Variants in SDK1 observed in about 807,000 individuals in gnomAD.
SDK1 encodes protein sidekick-1.
Under a neutral mutation model 245.5 loss-of-function variants are expected in SDK1, and 157 were observed. The observed-to-expected ratio is 0.64, with a 90% CI of 0.56 to 0.73. SDK1 has a LOEUF of 0.73. SDK1 is among the 30% of genes least tolerant of loss of function. The pLI is 0.00. For missense variants in SDK1, 3,583 were observed against 3,002.3 expected, an observed-to-expected ratio of 1.19 and a Z score of -4.52; for synonymous variants, 1,647 against 1,278.5, an observed-to-expected ratio of 1.29 and a Z score of -6.15.
chr7:4,064,777 G>C (rs1471793771), intron 19 of SDK1, among the ~76,000 whole-genome samples: 1 of 152,142 alleles, frequency 6.6e-6, no homozygotes, highest in Non-Finnish European at 1.5e-5. Flanking sequence ...CAGGGAACTG[G>C]AGGGCATTAC....
intron 40 of SDK1, among the ~76,000 whole-genome samples, chr7:4,227,984 C>G (rs1194670737): frequency 6.6e-6 from 1 of 152,204 alleles, no homozygotes; most frequent in Non-Finnish European, 1.5e-5. Flanking sequence ...GAAAAGATTT[C>G]TTTTTTCAAG....
In SDK1 at chr7:3,301,788, T is replaced by G. The variant is rs1029440073; in HGVS notation, c.202T>G (p.Cys68Gly). Residue 68 changes from cysteine to glycine, a missense_variant, in exon 1 of 45, where the codon TGC (cysteine) becomes GGC (glycine). By Grantham distance (159) the Cys-to-Gly change is radical (BLOSUM62 -3). Coordinates refer to ENST00000404826, the MANE Select transcript of SDK1 (RefSeq NM_152744.4). ...CGGGGACACGGCGGGCGCGGGGCGG[T>G]GCGGCGGGCGGCGGGCGGCAAAGTT... ...SGGDTAGAGRCGGRRAAKLGP... is the reference protein window; with the variant it reads ...SGGDTAGAGRGGGRRAAKLGP... 22 of 1,010,656 alleles carry G rather than the reference T, an allele frequency of 2.2e-5. No homozygotes were observed. The African/African-American group carries it at 2.7e-4, about 12-fold the overall frequency. The allele number at this position is 1,010,656 out of a possible 1,614,324, so 62.6% of individuals were successfully genotyped here.
Position 4,268,326 on chromosome 7 carries a change from T to G in SDK1, c.*2942T>G. 4 of 1,032,376 alleles carry G rather than the reference T, an allele frequency of 3.9e-6. No individual in the cohort carries two copies. Among genetic ancestry groups the G allele is most frequent in the Non-Finnish European group, 4.7e-6 (4 of 857,514 alleles). 64.0% of individuals were successfully genotyped at this position (1,032,376 alleles called of 1,614,324 possible). A position where few individuals can be genotyped will look rare whatever the true frequency, so the allele number is the denominator to read the frequency against. On this transcript the variant is annotated 3_prime_UTR_variant, in exon 45 of 45. Transcript: ENST00000404826. Reference sequence around the variant, plus strand: ...TGCCAGGGCAGAGATTCCAGGCAGGTGAGCCCAGAGAGAGCTGCCAGGCCA... The same window carrying G: ...TGCCAGGGCAGAGATTCCAGGCAGGGGAGCCCAGAGAGAGCTGCCAGGCCA...
chr7:3,541,827 T>C (rs560861645), intron 1 of SDK1, among the ~76,000 whole-genome samples: 1 of 152,342 alleles, frequency 6.6e-6, no homozygotes, highest in East Asian at 1.9e-4. Flanking sequence ...TGAAGAACCA[T>C]TAAGCTTAAG....
intron 5 of SDK1, among the ~76,000 whole-genome samples, chr7:3,923,372 C>A (rs1779660313): frequency 6.6e-6 from 1 of 152,136 alleles, no homozygotes; most frequent in Non-Finnish European, 1.5e-5. Context: ...CTACAGTTCA[C>A]TGCAATTGAA....
chr7:4,178,460 A>T (rs766062520), intron 34 of SDK1, 25 bp from the exon 35 acceptor site: 4 of 1,542,156 alleles, frequency 2.6e-6, no homozygotes, highest in Non-Finnish European at 3.6e-6. Context: ...GTGGAAGCTG[A>T]TCCATATTTC....
intron 4 of SDK1, among the ~76,000 whole-genome samples, chr7:3,805,947 G>A (rs948777510): frequency 2.0e-5 from 3 of 152,046 alleles, no homozygotes; most frequent in Non-Finnish European, 2.9e-5. Context: ...CCTTTACAGA[G>A]CTATTCTAGT....
At chr7:4,254,761 C>T (rs1787526756) in intron 44 of SDK1, among the ~76,000 whole-genome samples, 1 of 151,720 alleles carries the variant, frequency 6.6e-6, no homozygotes, top group South Asian at 2.1e-4. Context: ...TTGTTGCTTG[C>T]TTGTTTGTTC....
intron 4 of SDK1, among the ~76,000 whole-genome samples, chr7:3,814,658 T>C (rs921251371): frequency 1.3e-5 from 2 of 152,082 alleles, no homozygotes; most frequent in African/African-American, 4.8e-5. Flanking sequence ...AGAAAGTCAT[T>C]GGTAGCTTGA....
At chr7:3,516,952 T>C (rs1294977727) in intron 1 of SDK1, among the ~76,000 whole-genome samples, 1 of 152,168 alleles carries the variant, frequency 6.6e-6, no homozygotes, top group Non-Finnish European at 1.5e-5. Flanking sequence ...CAGATGTTGA[T>C]AACCAGATAC....
intron 5 of SDK1, among the ~76,000 whole-genome samples, chr7:3,822,841 G>A (rs199662317): frequency 2.0e-5 from 3 of 152,206 alleles, no homozygotes; most frequent in South Asian, 4.2e-4. Flanking sequence ...CCCTCGAGGG[G>A]TACAATTGCC....
chr7:4,196,054 T>C (rs6462637), intron 35 of SDK1, among the ~76,000 whole-genome samples: 61,701 of 151,782 alleles, frequency 0.41, 13,490 homozygotes, highest in Middle Eastern at 0.6. Flanking sequence ...CCTTCATGTC[T>C]GGACTTTTAC....
chr7:3,554,378 TAAA>T (rs1779517164), intron 1 of SDK1, among the ~76,000 whole-genome samples: 1 of 151,742 alleles, frequency 6.6e-6, no homozygotes, highest in African/African-American at 2.4e-5. Flanking sequence ...TTAAAGGAAA[TAAA>T]AATACATAAA....
At chr7:3,531,578 G>C (rs546789055) in intron 1 of SDK1, among the ~76,000 whole-genome samples, 81 of 152,216 alleles carry the variant, frequency 5.3e-4, no homozygotes, top group Admixed American at 9.2e-4. Context: ...CACTACCTAA[G>C]TATGTCTCAG....
At chr7:3,666,267 C>G (rs565007194) in intron 4 of SDK1, among the ~76,000 whole-genome samples, 1 of 152,304 alleles carries the variant, frequency 6.6e-6, no homozygotes, top group South Asian at 2.1e-4. Flanking sequence ...GTCTGTCGGG[C>G]TTGTTTCTCC....
intron 35 of SDK1, among the ~76,000 whole-genome samples, chr7:4,181,572 C>A (rs891975423): frequency 1.2e-4 from 19 of 152,154 alleles, no homozygotes; most frequent in Admixed American, 7.2e-4. Flanking sequence ...ACATGTGCAT[C>A]CCTGCTCCAG....
chr7:3,780,382 T>C (rs1780694980), intron 4 of SDK1, among the ~76,000 whole-genome samples: 1 of 152,156 alleles, frequency 6.6e-6, no homozygotes, highest in Non-Finnish European at 1.5e-5. Context: ...GTGCCTAGGG[T>C]CAGGTAGAAA....
chr7:3,450,911 G>C (rs945770646), intron 1 of SDK1, among the ~76,000 whole-genome samples: 8 of 152,148 alleles, frequency 5.3e-5, no homozygotes, highest in South Asian at 2.1e-4. Flanking sequence ...AATAGGAAGA[G>C]AGGAGTTTTG....
intron 4 of SDK1, among the ~76,000 whole-genome samples, chr7:3,657,584 A>G (rs1161199092): frequency 7.0e-6 from 1 of 143,268 alleles, no homozygotes; most frequent in Non-Finnish European, 1.5e-5. Flanking sequence ...GCCTGACTTA[A>G]TGTTTAGGGG....
Sources: allele counts gnomAD v4.1 joint callset (sites outside exome capture counted in the v4.1 genomes callset), GRCh38; gene constraint gnomAD v4.1.1; transcripts MANE v1.5; gene names NCBI Gene and HGNC (gene_info 2026-07-23, HGNC 2026-07-21).